Variants in BAZ1B observed in about 807,000 individuals in gnomAD.
BAZ1B encodes the protein tyrosine-protein kinase BAZ1B.
Under a neutral mutation model 153.8 loss-of-function variants are expected in BAZ1B, and 22 were observed. That is an observed-to-expected ratio of 0.14 (90% CI 0.10 to 0.20). The LOEUF (loss-of-function observed/expected upper bound fraction) is 0.20. Ranked by LOEUF, BAZ1B falls within the 10% of genes least tolerant of loss-of-function variation. BAZ1B has a pLI of 1.00. For synonymous variants in BAZ1B, 676 were observed against 633.4 expected (o/e 1.07, Z -1.01); for missense variants, 1,325 against 1,799.3 (o/e 0.74, Z 4.77).
chr7:73,490,225 T>G (rs1418888904), intron 5 of BAZ1B, among the ~76,000 whole-genome samples: 1 of 152,208 alleles, frequency 6.6e-6, no homozygotes, highest in Non-Finnish European at 1.5e-5. Context: ...CCTCCCCTGG[T>G]GACTATCACA....
chr7:73,467,402 C>T (rs1788634810), intron 9 of BAZ1B, among the ~76,000 whole-genome samples: 1 of 151,880 alleles, frequency 6.6e-6, no homozygotes, highest in South Asian at 2.1e-4. Context: ...CAGAATGTTG[C>T]TCTGTCACCC....
At chr7:73,498,106 C>T (rs1259789863) in intron 4 of BAZ1B, among the ~76,000 whole-genome samples, 1 of 152,006 alleles carries the variant, frequency 6.6e-6, no homozygotes, top group Non-Finnish European at 1.5e-5. Context: ...ATTATAGGCA[C>T]CCACCACCAC....
intron 3 of BAZ1B, among the ~76,000 whole-genome samples, chr7:73,499,672 G>A (rs1319591663): frequency 6.6e-6 from 1 of 152,182 alleles, no homozygotes; most frequent in East Asian, 1.9e-4. Context: ...ACCACACTCC[G>A]GCCTAGGTGA....
chr7:73,449,693 CAG>C lies in BAZ1B; in HGVS notation c.3581-6_3581-5del, dbSNP rs781792133. 6.2e-6 allele frequency: 10 copies of C among 1,613,460 alleles called. No individual in the cohort carries two copies. In the African/African-American group the frequency reaches 1.3e-4, roughly 22 times the overall value. The stretch of plus-strand genomic sequence containing the variant: ...AAGATCAATTTGTCATCCTCACCTG[CAG>C]AGAGATAAATGTGAATAGCATTGTT... On this transcript the variant is annotated splice_region_variant and splice_polypyrimidine_tract_variant and intron_variant, in intron 14 of 19. Coordinates refer to ENST00000339594, the MANE Select transcript of BAZ1B (RefSeq NM_032408.4).
At position 73,449,572 on chromosome 7, in the gene BAZ1B, G is replaced by A; in HGVS notation, c.3698C>T (p.Pro1233Leu). The A allele has an allele frequency of 1.2e-6, 2 of 1,613,468 alleles. No homozygotes were observed. Among genetic ancestry groups the A allele is most frequent in the Non-Finnish European group, 1.7e-6 (2 of 1,179,820 alleles). Residue 1233 changes from proline to leucine, a missense_variant, in exon 15 of 20, where the codon CCC becomes CTC. Transcript: ENST00000339594. The part of the protein sequence containing the change: ...DGEWQCPACQ[P>L]ATARRNSRGR... ...ACGGGAGTTGCGCCTGGCAGTAGCG[G>A]GCTGGCAAGCTGGGCACTGCCACTC...
At chr7:73,508,302 A>C in intron 3 of BAZ1B, 25 bp downstream of exon 3, 3 of 1,607,012 alleles carry the variant, frequency 1.9e-6, no homozygotes, top group Middle Eastern at 3.3e-4. Context: ...ATGGTAAGTC[A>C]AATCAGAAAC....
chr7:73,513,643 G>C (rs1314910282), intron 1 of BAZ1B, among the ~76,000 whole-genome samples: 1 of 152,132 alleles, frequency 6.6e-6, no homozygotes, highest in Non-Finnish European at 1.5e-5. Flanking sequence ...GGAGTGGAAG[G>C]GATGGGTAGT....
At chr7:73,470,302 T>A in intron 8 of BAZ1B, 43 bp downstream of exon 8, 1 of 1,539,872 alleles carries the variant, frequency 6.5e-7, no homozygotes, top group Non-Finnish European at 8.8e-7. Context: ...AATAGCAATG[T>A]AAATAGTCCT....
chr7:73,471,872 T>TAA (rs529528781), intron 7 of BAZ1B, among the ~76,000 whole-genome samples: 4 of 142,130 alleles, frequency 2.8e-5, no homozygotes, highest in South Asian at 2.3e-4. Context: ...GGTAAATGAT[T>TAA]AAAAAAAAAA....
intron 2 of BAZ1B, among the ~76,000 whole-genome samples, chr7:73,510,123 T>C (rs1554578368): frequency 1.4e-5 from 2 of 142,056 alleles, no homozygotes; most frequent in African/African-American, 5.3e-5. Context: ...TGAGACTCCA[T>C]CTCAAAAATA....
At chr7:73,515,425 C>T (rs1320917243) in intron 1 of BAZ1B, among the ~76,000 whole-genome samples, 1 of 152,002 alleles carries the variant, frequency 6.6e-6, no homozygotes. Context: ...TGTCACTTCC[C>T]GGAAGAGGCT....
intron 3 of BAZ1B, among the ~76,000 whole-genome samples, chr7:73,500,302 C>T (rs1166686980): frequency 1.3e-5 from 2 of 152,084 alleles, no homozygotes. Context: ...CTTTGGGAGG[C>T]CAAGGTGGGT....
chr7:73,463,170 T>G, intron 11 of BAZ1B, 71 bp from the exon 12 acceptor site: 1 of 1,359,326 alleles, frequency 7.4e-7, no homozygotes, highest in Non-Finnish European at 1.0e-6. Context: ...TTTCAATTAC[T>G]TAACATGTTT....
chr7:73,454,759 G>T (rs1283799210), intron 13 of BAZ1B, among the ~76,000 whole-genome samples: 4 of 152,176 alleles, frequency 2.6e-5, no homozygotes, highest in Non-Finnish European at 5.9e-5. Context: ...CTCACAGTGA[G>T]CCTGAGTACT....
At chr7:73,451,157 A>C (rs1193892464) in intron 13 of BAZ1B, among the ~76,000 whole-genome samples, 163 bp from the exon 14 acceptor site, 3 of 152,198 alleles carry the variant, frequency 2.0e-5, no homozygotes, top group African/African-American at 7.2e-5. Context: ...AGGGGGAAAA[A>C]AACTTGCCAA....
intron 12 of BAZ1B, among the ~76,000 whole-genome samples, chr7:73,461,418 G>A (rs1220984817): frequency 1.3e-5 from 2 of 152,156 alleles, no homozygotes; most frequent in Non-Finnish European, 2.9e-5. Flanking sequence ...AGAAAACTAA[G>A]AAAAATGACA....
Position 73,477,154 on chromosome 7 carries a change from T to A in BAZ1B, c.2307A>T (p.Arg769Ser). ...TCCACAACTCTGCAGACATCTGCTG[T>A]CTGGTCTCCATGTGGTCTTGCACTG... ...TYSVQDHMET[R>S]QQMSAELWKE... Residue 769 changes from arginine (R) to serine (S), a missense_variant, in exon 7 of 20, where the codon AGA becomes AGT. Coordinates refer to ENST00000339594, the MANE Select transcript of BAZ1B (RefSeq NM_032408.4). This position sits in a 1 kb window ranked among gnomAD's most constrained non-coding sequence, Gnocchi z 5.6. The A allele has an allele frequency of 6.2e-7, 1 of 1,614,224 alleles. No homozygotes were observed. The highest frequency in any genetic ancestry group is 8.5e-7 in the Non-Finnish European group (1 of 1,180,032).
At chr7:73,503,277 T>C (rs534391943) in intron 3 of BAZ1B, among the ~76,000 whole-genome samples, 3 of 152,342 alleles carry the variant, frequency 2.0e-5, no homozygotes, top group African/African-American at 7.2e-5. Context: ...GTATACATTA[T>C]CTCACTATGG....
chr7:73,442,045 G>A (rs1157140249), intron 19 of BAZ1B, 136 bp downstream of exon 19: 11 of 654,356 alleles, frequency 1.7e-5, no homozygotes, highest in African/African-American at 5.4e-5. Flanking sequence ...GCCCCATAAA[G>A]AGCTTTTAGA....
Sources: allele counts gnomAD v4.1 joint callset (sites outside exome capture counted in the v4.1 genomes callset), GRCh38; gene constraint gnomAD v4.1.1; non-coding constraint Gnocchi (gnomAD v3.1); transcripts MANE v1.5; gene names NCBI Gene and HGNC (gene_info 2026-07-23, HGNC 2026-07-21).